Variants in TMC3 observed in about 807,000 individuals in gnomAD.
The protein encoded by TMC3 is transmembrane channel-like protein 3.
In TMC3, 98 loss-of-function variants were observed where a neutral mutation model predicts 110.6. The observed-to-expected ratio is 0.89, with a 90% CI of 0.75 to 1.05. The LOEUF is 1.05. Among genes scored for constraint, TMC3 ranks in the 50% least tolerant of loss-of-function variants. The pLI is 0.00. For synonymous variants in TMC3, 489 were observed against 513.1 expected (o/e 0.95, Z 0.63); for missense variants, 1,319 against 1,373.2 (o/e 0.96, Z 0.62).
At chr15:81,337,246 T>C (rs1027994521) in intron 19 of TMC3, among the ~76,000 whole-genome samples, 1 of 152,082 alleles carries the variant, frequency 6.6e-6, no homozygotes, top group African/African-American at 2.4e-5. Context: ...ACTGGCCTCA[T>C]CCCAGTCTTG....
Position 81,338,857 on chromosome 15 carries a change from G to T in TMC3, c.1956-77C>A. ...TGCTGCAAGACATCAGAAAATGGCT[G>T]GATGCCTGGAGGCCAATTCATAACA... is the stretch of plus-strand genomic sequence containing the variant. On this transcript the variant is annotated intron_variant, in intron 17 of 21. Transcript: ENST00000359440. 1.9e-6 allele frequency: 3 copies of T among 1,547,792 alleles called. No homozygotes were observed. The South Asian group carries it at 3.5e-5, about 18-fold the overall frequency.
At chr15:81,360,436 T>G (rs1287560460) in intron 4 of TMC3, among the ~76,000 whole-genome samples, 21 of 152,240 alleles carry the variant, frequency 1.4e-4, no homozygotes, top group Admixed American at 1.3e-3. Context: ...TTACTTAAAC[T>G]ATTCCCCATG....
chr15:81,366,637 G>C (rs1242575174), intron 3 of TMC3, among the ~76,000 whole-genome samples: 6 of 152,120 alleles, frequency 3.9e-5, no homozygotes, highest in East Asian at 3.8e-4. Context: ...AAAAGAGCTT[G>C]GTAGTTCATA....
chr15:81,371,468 C>T (rs1004984392), intron 2 of TMC3, among the ~76,000 whole-genome samples: 8 of 152,164 alleles, frequency 5.3e-5, no homozygotes, highest in South Asian at 2.1e-4. Context: ...AGATCAAGAT[C>T]GGACAGTGGT....
chr15:81,350,205 A>C (rs1423315420), intron 10 of TMC3, among the ~76,000 whole-genome samples: 1 of 152,216 alleles, frequency 6.6e-6, no homozygotes, highest in Non-Finnish European at 1.5e-5. Context: ...ACTGCACTCC[A>C]GCCTGGGCAA....
In TMC3 at chr15:81,362,259, T is replaced by C. The variant is rs533578038; in HGVS notation, c.355A>G (p.Ile119Val). Residue 119 changes from isoleucine (I) to valine (V), a missense_variant, in exon 4 of 22, where the codon ATC (isoleucine) becomes GTC (valine). Ile to Val is a conservative substitution (Grantham distance 29). Coordinates refer to ENST00000359440, the MANE Select transcript of TMC3 (RefSeq NM_001080532.3). ...ATCCTCATTTCCCAGGGAATGAAGA[T>C]GACCACAAAGTTACAGGCGAGACGA... ...FARLACNFVV[I>V]FIPWEMRIKK... 1 of 1,612,796 alleles carries C rather than the reference T, an allele frequency of 6.2e-7. No homozygotes were observed. The highest frequency in any genetic ancestry group is 8.5e-7 in the Non-Finnish European group (1 of 1,179,312).
rs1400838351 is a variant in TMC3 at position 81,360,735 on chromosome 15, AT to A, written c.395-1265del. On this transcript the variant is annotated intron_variant, in intron 4 of 21. Coordinates refer to ENST00000359440, the MANE Select transcript of TMC3 (RefSeq NM_001080532.3). ...GAGTTGGTCCCACTTGGAGCAAGGGATCAGACTTGAATGCCCCTCTGTCAAT... is the reference window on the plus strand; with the variant it reads ...GAGTTGGTCCCACTTGGAGCAAGGGACAGACTTGAATGCCCCTCTGTCAAT... Among the ~76,000 whole-genome samples the A allele has an allele frequency of 3.3e-5, 5 of 152,230 alleles. No homozygotes were observed. In the East Asian group the frequency reaches 9.6e-4, roughly 29 times the overall value.
chr15:81,344,128 T>G (rs1016560390), intron 13 of TMC3, 83 bp from the exon 14 acceptor site: 3 of 1,476,394 alleles, frequency 2.0e-6, no homozygotes, highest in Non-Finnish European at 2.7e-6. Context: ...CTAATCTCTG[T>G]TCATTCTTGT....
rs58385250 is a variant in TMC3, at chr15:81,341,395, G to A, written c.1839C>T (p.Ala613=). ...CAGATCTTATTCTTACTCACCTTGA[G>A]GCTCGAAATACTTGCTGGTGGGGCA... ...CNVPHQQVFR[A]SRSNNFYLAM... is the part of the protein sequence containing the mutation. Residue 613 remains alanine, a synonymous_variant, in exon 16 of 22, where the codon GCC becomes GCT. Coordinates refer to ENST00000359440, the MANE Select transcript of TMC3 (RefSeq NM_001080532.3). The A allele has an allele frequency of 1.9e-3, 3,012 of 1,610,112 alleles. 52 individuals are homozygous for A. The African/African-American group carries it at 0.034, about 18-fold the overall frequency.
In TMC3 at chr15:81,356,462, TA is replaced by T; in HGVS notation, c.875del (p.Ile292LysfsTer2). 2 of 1,568,150 alleles carry T rather than the reference TA, an allele frequency of 1.3e-6. No homozygotes were observed. The highest frequency in any genetic ancestry group is 2.4e-5 in the South Asian group (2 of 84,964). On this transcript the variant is annotated frameshift_variant, in exon 8 of 22. Transcript: ENST00000359440. LOFTEE classifies it high-confidence loss of function. Reference protein sequence around the residue: ...PEAAESKTAAIVNSIREAILE... With the variant: ...PEAAESKTAAXVNSIREAILE... ...ACTCACTCACCCTGATGCTGTTCAC[TA>T]TGGCAGCTGTTTTGCTCTCTGCAGC...
Position 81,337,878 on chromosome 15 carries a change from T to C in TMC3, c.2128A>G (p.Ser710Gly), listed in dbSNP as rs1337824597. The change falls in exon 19 of 22, where the codon AGC (serine) becomes GGC (glycine). Residue 710 changes from serine to glycine, a missense_variant. By Grantham distance (56) the Ser-to-Gly change is moderately conservative. Transcript: ENST00000359440. ...ATCTGCATTTTGAGCTGGTGGTTGC[T>C]GAGCTTTAGAGACCGTGCGATGCTC... is the stretch of plus-strand genomic sequence containing the variant. ...LQSIARSLKL[S>G]NHQLKMQIQN... is the part of the protein sequence containing the mutation. 1 of 1,614,000 alleles carries C rather than the reference T, an allele frequency of 6.2e-7. No individual in the cohort carries two copies. Among genetic ancestry groups the C allele is most frequent in the Non-Finnish European group, 8.5e-7 (1 of 1,179,844 alleles).
chr15:81,349,768 T>TG (rs1298510023), intron 10 of TMC3, among the ~76,000 whole-genome samples: 7 of 151,028 alleles, frequency 4.6e-5, no homozygotes, highest in African/African-American at 1.5e-4. Flanking sequence ...TCTTTTTTTT[T>TG]TTTTTTTTTG....
chr15:81,341,301 C>T (rs1227439802), intron 16 of TMC3, 89 bp downstream of exon 16: 1 of 1,384,616 alleles, frequency 7.2e-7, no homozygotes, highest in South Asian at 1.6e-5. Flanking sequence ...TGGGGGGACC[C>T]TTTGCTAGAG....
In TMC3 at chr15:81,368,337, A is replaced by G. The variant is rs1894362659; in HGVS notation, c.237-9T>C. ...CAATGTTCTTCGCTTGTCTAAGAGAAGAAAAACATGATGGTGAACACAATT... is the reference window on the plus strand; with the variant it reads ...CAATGTTCTTCGCTTGTCTAAGAGAGGAAAAACATGATGGTGAACACAATT... On this transcript the variant is annotated splice_polypyrimidine_tract_variant and intron_variant, in intron 2 of 21. Coordinates refer to ENST00000359440, the MANE Select transcript of TMC3 (RefSeq NM_001080532.3). The G allele has an allele frequency of 6.2e-7, 1 of 1,610,564 alleles. No individual in the cohort carries two copies. Among genetic ancestry groups the G allele is most frequent in the African/African-American group, 1.3e-5 (1 of 74,968 alleles).
Position 81,349,489 on chromosome 15 carries a change from G to A in TMC3, c.1162C>T (p.Pro388Ser), listed in dbSNP as rs776795688. 16 of 1,553,978 alleles carry A rather than the reference G, an allele frequency of 1.0e-5. No individual in the cohort carries two copies. The highest frequency in any genetic ancestry group is 1.4e-5 in the Non-Finnish European group (16 of 1,149,336). ...DLIAALEMYH[P>S]RTTLRFQLAR... Reference sequence around the variant, plus strand: ...AGCTGGAAGCGCAGCGTGGTCCTGGGGTGGTACATCTCTAAGGCAGCAATG... The same window carrying A: ...AGCTGGAAGCGCAGCGTGGTCCTGGAGTGGTACATCTCTAAGGCAGCAATG... Residue 388 changes from proline to serine, a missense_variant, in exon 11 of 22, where the codon CCC becomes TCC. Physicochemically the swap from Pro to Ser is moderately conservative, Grantham distance 74. Coordinates refer to ENST00000359440, the MANE Select transcript of TMC3 (RefSeq NM_001080532.3).
At chr15:81,372,486 C>A in intron 2 of TMC3, 105 bp downstream of exon 2, 2 of 1,400,320 alleles carry the variant, frequency 1.4e-6, no homozygotes, top group South Asian at 2.4e-5. Flanking sequence ...AGTGACTGAG[C>A]CATCTCTCTC....
In TMC3 at chr15:81,333,161, G is replaced by T. The variant is rs1283325127; in HGVS notation, c.2561C>A (p.Pro854His). 1.2e-6 allele frequency: 2 copies of T among 1,614,068 alleles called. No individual in the cohort carries two copies. Among genetic ancestry groups the T allele is most frequent in the Non-Finnish European group, 8.5e-7 (1 of 1,179,906 alleles). Residue 854 changes from proline (P) to histidine (H), a missense_variant, in exon 22 of 22, where the codon CCT becomes CAT. Transcript: ENST00000359440. ...TTGCTGAAAGTCTTTTCGGAAAAGA[G>T]GTTCTGAGTGTACATCTTCGATGTG... The part of the protein sequence containing the change: ...TTHIEDVHSE[P>H]LFRKDFQQIN...
Position 81,355,713 on chromosome 15 carries a change from A to G in TMC3, c.935+12T>C. On this transcript the variant is annotated intron_variant, in intron 9 of 21. Coordinates refer to ENST00000359440, the MANE Select transcript of TMC3 (RefSeq NM_001080532.3). Reference sequence around the variant, plus strand: ...TATCAATGAATTCAGCATGGGGAGTAATAATACCTACAGGTTTTTGCTTTT... The same window carrying G: ...TATCAATGAATTCAGCATGGGGAGTGATAATACCTACAGGTTTTTGCTTTT... 1 of 1,580,292 alleles carries G rather than the reference A, an allele frequency of 6.3e-7. No individual in the cohort carries two copies. The highest frequency in any genetic ancestry group is 1.1e-5 in the South Asian group (1 of 87,844).
intron 3 of TMC3, among the ~76,000 whole-genome samples, chr15:81,363,971 T>C (rs1894248380): frequency 6.6e-6 from 1 of 152,240 alleles, no homozygotes; most frequent in African/African-American, 2.4e-5. Flanking sequence ...GTTCTAGCTC[T>C]AATTTCACAT....
Sources: gnomAD v4.1 joint callset for allele counts (sites outside exome capture counted in the v4.1 genomes callset) on GRCh38, gnomAD v4.1.1 for gene constraint, MANE v1.5 for transcripts, NCBI Gene and HGNC (gene_info 2026-07-23, HGNC 2026-07-21) for gene names.